Variants in DBF4B observed in about 807,000 individuals in gnomAD.
DBF4B encodes the protein DBF4B-CDC7 kinase regulatory subunit.
Under a neutral mutation model 53.4 loss-of-function variants are expected in DBF4B, and 49 were observed. The observed-to-expected ratio is 0.92, with a 90% CI of 0.73 to 1.16. The LOEUF (loss-of-function observed/expected upper bound fraction) is 1.16. DBF4B is among the 50% of genes most tolerant of loss of function. DBF4B has a pLI of 0.00. For missense variants in DBF4B, 692 were observed against 775.0 expected, an observed-to-expected ratio of 0.89 and a Z score of 1.27; for synonymous variants, 257 against 288.7, an observed-to-expected ratio of 0.89 and a Z score of 1.11.
intron 6 of DBF4B, chr17:44,733,767 G>T (rs930276219): frequency 2.0e-5 from 6 of 306,924 alleles, no homozygotes; most frequent in African/African-American, 1.3e-4. Flanking sequence ...ACACAGCATG[G>T]CCTCCCTCAC....
chr17:44,741,511 C>T lies in DBF4B; in HGVS notation c.830+59C>T, dbSNP rs79038050. On this transcript the variant is annotated intron_variant, in intron 10 of 13. Coordinates refer to ENST00000315005, the MANE Select transcript of DBF4B (RefSeq NM_145663.3). ...GGTTACAGGCCAAAGTCCTCCCCAT[C>T]GGGGGCCTGCTGGTCAGATTTGGGA... 2.8e-4 allele frequency: 330 copies of T among 1,181,974 alleles called. 3 individuals carry two copies. The East Asian group carries it at 4.2e-3, about 15-fold the overall frequency. 73.2% of individuals were successfully genotyped at this position (1,181,974 alleles called of 1,614,324 possible).
At chr17:44,715,349 C>G (rs556098150) in intron 2 of DBF4B, among the ~76,000 whole-genome samples, 1 of 151,958 alleles carries the variant, frequency 6.6e-6, no homozygotes, top group Non-Finnish European at 1.5e-5. Context: ...TACAGGCACC[C>G]GCCACCTGGC....
chr17:44,740,793 A>C (rs1975924864), intron 9 of DBF4B, among the ~76,000 whole-genome samples: 1 of 152,234 alleles, frequency 6.6e-6, no homozygotes, highest in African/African-American at 2.4e-5. Context: ...GGATAAGCCC[A>C]GAGGGTGCTT....
intron 5 of DBF4B, 97 bp downstream of exon 5, chr17:44,731,112 G>T: frequency 7.4e-7 from 1 of 1,344,590 alleles, no homozygotes; most frequent in Non-Finnish European, 1.1e-6. Context: ...CACACAAAAT[G>T]CACACTCTGC....
At chr17:44,724,845 G>T (rs984800560) in intron 3 of DBF4B, among the ~76,000 whole-genome samples, 1 of 152,052 alleles carries the variant, frequency 6.6e-6, no homozygotes, top group Admixed American at 6.6e-5. Flanking sequence ...TGCCGGGCAC[G>T]GTGGCTTACT....
At chr17:44,747,338 C>T in intron 11 of DBF4B, 53 bp from the exon 12 acceptor site, 1 of 1,608,208 alleles carries the variant, frequency 6.2e-7, no homozygotes, top group Non-Finnish European at 8.5e-7. Context: ...CTTCCGTGTC[C>T]CCCTCCCCCC....
chr17:44,725,653 G>C (rs1478673673), intron 3 of DBF4B, among the ~76,000 whole-genome samples: 1 of 127,642 alleles, frequency 7.8e-6, no homozygotes, highest in African/African-American at 3.0e-5. Flanking sequence ...TCTACCTTCT[G>C]CCTCCATCCT....
Position 44,741,413 on chromosome 17 carries a change from T to G in DBF4B, c.791T>G (p.Phe264Cys), listed in dbSNP as rs1302786732. Residue 264 changes from phenylalanine to cysteine, a missense_variant, in exon 10 of 14, where the codon TTT becomes TGT. By Grantham distance (205) the Phe-to-Cys change is radical (BLOSUM62 -2). Transcript: ENST00000315005. ...CTTGGACCCAAAGATGCAAGTCCCT[T>G]TGAGGCCCCGACGACCCTGGGCAGC... ...SFLGPKDASP[F>C]EAPTTLGSMH... The G allele has an allele frequency of 6.2e-7, 1 of 1,613,420 alleles. No homozygotes were observed. The highest frequency in any genetic ancestry group is 1.3e-5 in the African/African-American group (1 of 74,892).
intron 3 of DBF4B, among the ~76,000 whole-genome samples, chr17:44,725,861 A>AT (rs1974284349): frequency 1.3e-5 from 2 of 150,418 alleles, no homozygotes; most frequent in Admixed American, 6.6e-5. Flanking sequence ...TCATTTTTGT[A>AT]TTTTTTGTGG....
chr17:44,744,064 G>A (rs1976340376), intron 10 of DBF4B, among the ~76,000 whole-genome samples: 2 of 140,792 alleles, frequency 1.4e-5, no homozygotes, highest in Admixed American at 7.1e-5. Flanking sequence ...GACCAGCCTG[G>A]GCAACATAAT....
chr17:44,727,311 C>G (rs138949407), intron 3 of DBF4B, among the ~76,000 whole-genome samples: 1 of 151,488 alleles, frequency 6.6e-6, no homozygotes, highest in Non-Finnish European at 1.5e-5. Flanking sequence ...CCCAGCTACT[C>G]GGGAGGCTGA....
At chr17:44,731,474 G>A (rs934838382) in intron 5 of DBF4B, 5 of 191,442 alleles carry the variant, frequency 2.6e-5, no homozygotes, top group African/African-American at 4.7e-5. Context: ...GTGGTGGCAC[G>A]CACCTGTAGT....
At chr17:44,730,732 C>G (rs560747332) in intron 4 of DBF4B, among the ~76,000 whole-genome samples, 2 of 152,278 alleles carry the variant, frequency 1.3e-5, no homozygotes, top group African/African-American at 2.4e-5. Context: ...GAGTGCCCTT[C>G]TCTCCACCAG....
At chr17:44,737,820 C>CCTGCTA (rs1389127839) in intron 8 of DBF4B, among the ~76,000 whole-genome samples, 1 of 152,176 alleles carries the variant, frequency 6.6e-6, no homozygotes, top group African/African-American at 2.4e-5. Context: ...TTTCTACCAT[C>CCTGCTA]CTGCTAATAA....
intron 3 of DBF4B, among the ~76,000 whole-genome samples, chr17:44,728,407 G>C (rs970988246): frequency 6.6e-6 from 1 of 152,154 alleles, no homozygotes; most frequent in African/African-American, 2.4e-5. Flanking sequence ...TTGCAAAGGA[G>C]TGGGTATACT....
chr17:44,724,309 C>T (rs1974105472), intron 3 of DBF4B, among the ~76,000 whole-genome samples: 1 of 152,140 alleles, frequency 6.6e-6, no homozygotes, highest in Non-Finnish European at 1.5e-5. Context: ...AGGCATGAGA[C>T]TCGCTTGAGC....
intron 2 of DBF4B, among the ~76,000 whole-genome samples, chr17:44,721,222 C>G (rs8071474): frequency 1.5e-5 from 2 of 129,716 alleles, no homozygotes; most frequent in Non-Finnish European, 3.2e-5. Flanking sequence ...TTCTTCCCCC[C>G]CCCTCCCCTT....
Position 44,751,413 on chromosome 17 carries a change from T to C in DBF4B, c.*160T>C, listed in dbSNP as rs2049275774. On this transcript the variant is annotated 3_prime_UTR_variant, in exon 14 of 14. Coordinates refer to ENST00000315005, the MANE Select transcript of DBF4B (RefSeq NM_145663.3). ...CCAGATGACTTTTACCCAGACCCAG[T>C]GGGCATTGCCTTATCTTGCAGTCAG... is the stretch of plus-strand genomic sequence containing the variant. 1.4e-6 allele frequency: 2 copies of C among 1,431,360 alleles called. No individual in the cohort carries two copies. The highest frequency in any genetic ancestry group is 2.5e-5 in the East Asian group (1 of 39,932). 88.7% of individuals were successfully genotyped at this position (1,431,360 alleles called of 1,614,324 possible).
intron 5 of DBF4B, chr17:44,731,486 C>G (rs115627683): frequency 5.7e-6 from 1 of 176,084 alleles, no homozygotes; most frequent in African/African-American, 2.4e-5. Flanking sequence ...ACCTGTAGTC[C>G]CCGCTACGCA....
Sources: allele counts gnomAD v4.1 joint callset (sites outside exome capture counted in the v4.1 genomes callset), GRCh38; gene constraint gnomAD v4.1.1; transcripts MANE v1.5; gene names NCBI Gene and HGNC (gene_info 2026-07-23, HGNC 2026-07-21).